The following DPP6 variants were observed in gnomAD, a reference collection of about 807,000 sequenced individuals.
DPP6 encodes A-type potassium channel modulatory protein DPP6.
A neutral mutation model predicts 122.6 loss-of-function variants in DPP6; 69 were observed. The observed-to-expected ratio is 0.56, with a 90% confidence interval of 0.46 to 0.69. The LOEUF is 0.69. Ranked by LOEUF, DPP6 falls within the 30% of genes least tolerant of loss-of-function variation. The pLI is 0.00. For synonymous variants in DPP6, 418 were observed against 433.1 expected, an observed-to-expected ratio of 0.97 and a Z score of 0.43; for missense variants, 928 against 1,116.9, an observed-to-expected ratio of 0.83 and a Z score of 2.41.
At chr7:154,029,288 G>A (rs1272400396) in intron 1 of DPP6, among the ~76,000 whole-genome samples, 4 of 148,828 alleles carry the variant, frequency 2.7e-5, no homozygotes, top group East Asian at 2.0e-4. Flanking sequence ...AGGCTGAGGC[G>A]GGTGGATCAC....
At chr7:153,968,521 A>G (rs1213020838) in intron 1 of DPP6, 1 of 151,900 alleles carries the variant, frequency 6.6e-6, no homozygotes, top group Admixed American at 6.5e-5. Flanking sequence ...CCAGAGAGCT[A>G]TGCAACCTAT....
chr7:154,207,967 A>ATT lies in DPP6; in HGVS notation c.243+154906_243+154907dup, dbSNP rs35570593. Among the ~76,000 whole-genome samples the ATT allele has an allele frequency of 2.1e-3, 315 of 151,460 alleles. 1 individual carries two copies. Among genetic ancestry groups the ATT allele is most frequent in the African/African-American group, 7.3e-3 (298 of 41,046 alleles). On this transcript the variant is annotated intron_variant, in intron 1 of 25. Transcript: ENST00000377770. ...GAGACTGCCTCAAAAAAAAAAAAAA[A>ATT]TTTAAGAATATGTGTATTCCCGTTT...
intron 16 of DPP6, among the ~76,000 whole-genome samples, chr7:154,848,227 T>G (rs997954621): frequency 2.4e-3 from 60 of 24,920 alleles, no homozygotes; most frequent in African/African-American, 5.8e-3. Flanking sequence ...CTATTTTTAG[T>G]TTTTTTTTGA....
At chr7:154,756,155 A>G (rs1843656124) in intron 8 of DPP6, among the ~76,000 whole-genome samples, 1 of 152,188 alleles carries the variant, frequency 6.6e-6, no homozygotes, top group Non-Finnish European at 1.5e-5. Context: ...AGGGTGATGA[A>G]TGAAGAGGTT....
chr7:154,326,542 G>T (rs1808461927), intron 1 of DPP6, among the ~76,000 whole-genome samples: 1 of 152,070 alleles, frequency 6.6e-6, no homozygotes, highest in African/African-American at 2.4e-5. Flanking sequence ...TGTTGCCAGG[G>T]GAGACCTCAT....
chr7:154,645,917 A>C (rs1187433910), intron 6 of DPP6, among the ~76,000 whole-genome samples: 1 of 149,554 alleles, frequency 6.7e-6, no homozygotes, highest in Non-Finnish European at 1.5e-5. Context: ...AGTCCCAGCT[A>C]CTTGGGAGGC....
intron 1 of DPP6, among the ~76,000 whole-genome samples, chr7:153,909,580 C>T (rs1363620487): frequency 6.6e-6 from 1 of 152,122 alleles, no homozygotes; most frequent in African/African-American, 2.4e-5. Flanking sequence ...TCCCATCTGA[C>T]TTTGGTTCTT....
chr7:154,846,642 G>C (rs951810994), intron 16 of DPP6, among the ~76,000 whole-genome samples: 1 of 152,208 alleles, frequency 6.6e-6, no homozygotes, highest in African/African-American at 2.4e-5. Flanking sequence ...CGTGTGCAAA[G>C]ATATATGTAA....
intron 6 of DPP6, among the ~76,000 whole-genome samples, chr7:154,645,326 A>G (rs1836394240): frequency 2.0e-5 from 3 of 151,920 alleles, no homozygotes; most frequent in Non-Finnish European, 2.9e-5. Context: ...CGGCCTCCCA[A>G]AGTGCTGGGA....
chr7:154,454,478 G>A (rs116870468), intron 2 of DPP6, among the ~76,000 whole-genome samples: 10 of 152,316 alleles, frequency 6.6e-5, no homozygotes, highest in East Asian at 3.9e-4. Flanking sequence ...GGAAGGCTTC[G>A]TGGAGAATGA....
In DPP6 at chr7:154,649,801, C is replaced by T. The variant is rs936997; in HGVS notation, c.680+11928C>T. On this transcript the variant is annotated intron_variant, in intron 6 of 25. Transcript: ENST00000377770. ...GGAACTTTCTAAATGACATATCAGC[C>T]GCGAAGACAAATAGGAAATAAGAGG... 3.1e-3 allele frequency among the ~76,000 whole-genome samples: 472 copies of T among 152,132 alleles called. 12 individuals are homozygous for T. The South Asian group carries it at 0.033, about 11-fold the overall frequency.
rs965420941 is a variant in DPP6 at position 154,755,829 on chromosome 7, G to A, written c.884-13588G>A. 1.2e-4 allele frequency among the ~76,000 whole-genome samples: 19 copies of A among 152,144 alleles called. No individual in the cohort carries two copies. The highest frequency in any genetic ancestry group is 1.9e-4 in the East Asian group (1 of 5,192). ...GTCGGAGTGGGGCGCGTCCCAGGTC[G>A]GGAATGTTAGGACAAGGTGGCCTCT... On this transcript the variant is annotated intron_variant, in intron 8 of 25. Transcript: ENST00000377770. This position sits in a 1 kb window ranked among gnomAD's most constrained non-coding sequence, Gnocchi z 4.7.
At chr7:153,919,314 GCC>G (rs1800524176) in intron 1 of DPP6, among the ~76,000 whole-genome samples, 1 of 152,160 alleles carries the variant, frequency 6.6e-6, no homozygotes, top group Non-Finnish European at 1.5e-5. Flanking sequence ...CTCTCATGCA[GCC>G]TCCTGGGGCA....
At chr7:154,773,007 G>T in intron 10 of DPP6, 65 bp downstream of exon 10, 2 of 1,457,252 alleles carry the variant, frequency 1.4e-6, no homozygotes, top group South Asian at 1.5e-5. Context: ...CAATGTGCAT[G>T]GTCTCTTCTG....
chr7:153,772,967 G>T, the DPP6 span, among the ~76,000 whole-genome samples: 1 of 71,658 alleles, frequency 1.4e-5, no homozygotes, highest in Admixed American at 1.7e-4. Flanking sequence ...ATATATAAAA[G>T]AAAAGACTTA....
chr7:154,881,959 T>C (rs913677268), intron 21 of DPP6, among the ~76,000 whole-genome samples: 1 of 152,266 alleles, frequency 6.6e-6, no homozygotes, highest in East Asian at 1.9e-4. Flanking sequence ...TGGGTGTCAA[T>C]AGCCATCACC....
At chr7:154,828,552 T>C (rs9649875) in intron 16 of DPP6, among the ~76,000 whole-genome samples, 125,571 of 152,174 alleles carry the variant, frequency 0.83, 51,931 homozygotes, top group African/African-American at 0.85. Context: ...TAGTTTATTC[T>C]TCTCCATTTG....
chr7:154,125,276 G>A (rs1329792396), intron 1 of DPP6, among the ~76,000 whole-genome samples: 4 of 152,202 alleles, frequency 2.6e-5, no homozygotes, highest in Admixed American at 1.3e-4. Context: ...AAACTAAGAC[G>A]TGAAAACTCA....
intron 10 of DPP6, among the ~76,000 whole-genome samples, chr7:154,781,340 G>A (rs1335017115): frequency 6.6e-6 from 1 of 152,140 alleles, no homozygotes; most frequent in South Asian, 2.1e-4. Flanking sequence ...GTTGAAAAAG[G>A]ATGCCGCAGT....
Sources: gnomAD v4.1 joint callset for allele counts (sites outside exome capture counted in the v4.1 genomes callset) on GRCh38, gnomAD v4.1.1 for gene constraint, Gnocchi (gnomAD v3.1) non-coding constraint, MANE v1.5 for transcripts, NCBI Gene and HGNC (gene_info 2026-07-23, HGNC 2026-07-21) for gene names.